BTBD2: variants seen among roughly 807,000 people sequenced by gnomAD.
BTBD2 encodes the protein BTB/POZ domain-containing protein 2.
BTBD2 carries 15 observed loss-of-function variants against 44.0 expected under a neutral mutation model. That is an observed-to-expected ratio of 0.34 (90% CI 0.23 to 0.53). The LOEUF is 0.53. BTBD2 is among the 20% of genes least tolerant of loss of function. The pLI is 0.95. For missense variants in BTBD2, 657 were observed against 746.4 expected (o/e 0.88, Z 1.39); for synonymous variants, 443 against 335.9 (o/e 1.32, Z -3.49).
chr19:1,989,405 C>T (rs1045772905), intron 5 of BTBD2: 1 of 155,440 alleles, frequency 6.4e-6, no homozygotes. Context: ...CGACCTTCAG[C>T]TAAGCAAGAG....
intron 6 of BTBD2, 107 bp downstream of exon 6, chr19:1,987,393 T>A (rs1391550311): frequency 4.7e-6 from 4 of 853,668 alleles, no homozygotes; most frequent in Non-Finnish European, 6.3e-6. Flanking sequence ...CCCCGCCGTC[T>A]TCATCATCCC....
rs141098024 is a variant in BTBD2, at chr19:1,997,459, C to G, written c.412G>C (p.Val138Leu). ...SSQRIPAHRF[V>L]LAVGSAVFDA... ...AAGACGGCGCTGCCCACGGCCAGCACGAACCTGGTACGGGAGAGAGAAGGC... is the reference window on the plus strand; with the variant it reads ...AAGACGGCGCTGCCCACGGCCAGCAGGAACCTGGTACGGGAGAGAGAAGGC... The change falls in exon 2 of 9, where the codon GTG (valine) becomes CTG (leucine). Residue 138 changes from valine (V) to leucine (L), a missense_variant. By Grantham distance (32) the Val-to-Leu change is conservative. Around this residue, in one of 3 missense-constraint regions of BTBD2, gnomAD observed 191 missense variants for 188.5 expected, o/e 1.01. Coordinates refer to ENST00000255608, the MANE Select transcript of BTBD2 (RefSeq NM_017797.4). The G allele has an allele frequency of 3.7e-6, 6 of 1,614,048 alleles. No individual in the cohort carries two copies. The highest frequency in any genetic ancestry group is 5.1e-6 in the Non-Finnish European group (6 of 1,179,996).
intron 3 of BTBD2, among the ~76,000 whole-genome samples, chr19:1,992,378 G>T (rs1350915315): frequency 6.6e-6 from 1 of 151,944 alleles, no homozygotes; most frequent in South Asian, 2.1e-4. Context: ...GGGATTACAG[G>T]CATGAACCAC....
intron 1 of BTBD2, 53 bp from the exon 2 acceptor site, chr19:1,997,516 C>A (rs1182161516): frequency 6.2e-7 from 1 of 1,606,966 alleles, no homozygotes; most frequent in Non-Finnish European, 8.5e-7. Flanking sequence ...CACCCCACGG[C>A]CGGGAGGGCC....
At chr19:2,011,553 C>G (rs2016465199) in intron 1 of BTBD2, among the ~76,000 whole-genome samples, 2 of 152,162 alleles carry the variant, frequency 1.3e-5, no homozygotes, top group Admixed American at 1.3e-4. Context: ...CTCAGGGGGT[C>G]GTTCTGGACC....
At chr19:2,001,603 A>G (rs116676320) in intron 1 of BTBD2, among the ~76,000 whole-genome samples, 1,878 of 152,346 alleles carry the variant, frequency 0.012, 40 homozygotes, top group African/African-American at 0.042. Context: ...GCCTTAAACC[A>G]CAGGGCTGAA....
intron 2 of BTBD2, 116 bp downstream of exon 2, chr19:1,997,228 T>C (rs1168890513): frequency 6.8e-7 from 1 of 1,476,994 alleles, no homozygotes; most frequent in East Asian, 2.3e-5. Context: ...CACAGGAACG[T>C]TCTAGAAATC....
At chr19:1,992,972 CT>C in intron 3 of BTBD2, 47 bp downstream of exon 3, 2 of 1,339,042 alleles carry the variant, frequency 1.5e-6, no homozygotes, top group Non-Finnish European at 2.0e-6. Flanking sequence ...CCGGCCCCGC[CT>C]CCAGCCAGGC....
intron 1 of BTBD2, among the ~76,000 whole-genome samples, chr19:2,007,137 T>A (rs968605509): frequency 6.6e-5 from 10 of 152,140 alleles, no homozygotes; most frequent in Non-Finnish European, 1.2e-4. Context: ...ATTACAGGCG[T>A]GAGCCACTGC....
At chr19:2,008,303 C>T (rs1568222605) in intron 1 of BTBD2, among the ~76,000 whole-genome samples, 1 of 141,056 alleles carries the variant, frequency 7.1e-6, no homozygotes. Flanking sequence ...TGCGCCCACT[C>T]TTTTTTTTTT....
intron 1 of BTBD2, among the ~76,000 whole-genome samples, chr19:1,999,652 C>A (rs1270041740): frequency 1.3e-5 from 2 of 150,328 alleles, no homozygotes. Context: ...GGCAACAGAG[C>A]AAGACTCTGT....
intron 1 of BTBD2, among the ~76,000 whole-genome samples, chr19:2,007,892 T>C (rs1188384420): frequency 6.6e-6 from 1 of 152,180 alleles, no homozygotes; most frequent in African/African-American, 2.4e-5. Context: ...TTCTGTCATA[T>C]GCACCTCCTG....
At chr19:2,012,209 A>G (rs1449709602) in intron 1 of BTBD2, among the ~76,000 whole-genome samples, 3 of 142,600 alleles carry the variant, frequency 2.1e-5, no homozygotes, top group South Asian at 2.2e-4. Context: ...CTGGAGTGCA[A>G]TGGCGCAATC....
intron 3 of BTBD2, among the ~76,000 whole-genome samples, 168 bp downstream of exon 3, chr19:1,992,852 G>A (rs1009643359): frequency 1.3e-5 from 2 of 152,200 alleles, no homozygotes; most frequent in Admixed American, 6.5e-5. Flanking sequence ...GATTACAGGC[G>A]TGAGCAACCA....
In BTBD2 at chr19:2,015,279, C is replaced by A. The variant is rs1346889670; in HGVS notation, c.407+18G>T. On this transcript the variant is annotated intron_variant, in intron 1 of 8. Transcript: ENST00000255608. ...CTGGGTGGGTCGGGGCCAGGGCTGGCGGGGTCGGGGCGCCCACCTGTGCGC... is the reference window on the plus strand; with the variant it reads ...CTGGGTGGGTCGGGGCCAGGGCTGGAGGGGTCGGGGCGCCCACCTGTGCGC... 2 of 1,532,870 alleles carry A rather than the reference C, an allele frequency of 1.3e-6. No individual in the cohort carries two copies. Among genetic ancestry groups the A allele is most frequent in the Non-Finnish European group, 1.7e-6 (2 of 1,145,716 alleles). 95.0% of individuals were successfully genotyped at this position (1,532,870 alleles called of 1,614,324 possible).
Position 1,990,761 on chromosome 19 carries a change from G to A in BTBD2, c.746C>T (p.Thr249Ile). Residue 249 changes from threonine (T) to isoleucine (I), a missense_variant, in exon 4 of 9, where the codon ACT (threonine) becomes ATT (isoleucine). By Grantham distance (89) the Thr-to-Ile change is moderately conservative. Around this residue, in one of 3 missense-constraint regions of BTBD2, gnomAD observed 449 missense variants for 510.9 expected, o/e 0.88. Coordinates refer to ENST00000255608, the MANE Select transcript of BTBD2 (RefSeq NM_017797.4). Reference protein sequence around the residue: ...SLCLENIDKNTADAITAEGFT... With the variant: ...SLCLENIDKNIADAITAEGFT... Reference sequence around the variant, plus strand: ...GCCCTCCGCGGTGATGGCGTCTGCAGTGTTTTTGTCGATGTTCTCCAGGCA... The same window carrying A: ...GCCCTCCGCGGTGATGGCGTCTGCAATGTTTTTGTCGATGTTCTCCAGGCA... 1 of 1,603,060 alleles carries A rather than the reference G, an allele frequency of 6.2e-7. No homozygotes were observed.
At chr19:1,997,242 A>G in intron 2 of BTBD2, 102 bp downstream of exon 2, 11 of 1,533,180 alleles carry the variant, frequency 7.2e-6, no homozygotes, top group Non-Finnish European at 9.7e-6. Context: ...AGAAATCTCC[A>G]CCAAGCCAGG....
intron 1 of BTBD2, among the ~76,000 whole-genome samples, chr19:2,008,008 C>CTTTT (rs59464609): frequency 2.1e-5 from 3 of 142,948 alleles, no homozygotes; most frequent in African/African-American, 7.7e-5. Flanking sequence ...CTGAGAAAGT[C>CTTTT]TTTTTTTTTT....
chr19:1,990,851 G>A (rs2016167117), intron 3 of BTBD2, 29 bp from the exon 4 acceptor site: 2 of 1,530,058 alleles, frequency 1.3e-6, no homozygotes, highest in South Asian at 2.4e-5. Context: ...GGGGGGCGCG[G>A]TGGGGACATC....
Sources: gnomAD v4.1 joint callset for allele counts (sites outside exome capture counted in the v4.1 genomes callset) on GRCh38, gnomAD v4.1.1 for gene constraint, gnomAD v4.1.1 regional missense constraint, MANE v1.5 for transcripts, NCBI Gene and HGNC (gene_info 2026-07-23, HGNC 2026-07-21) for gene names.